The following PRKACB variants were observed in gnomAD, a reference collection of about 807,000 sequenced individuals.
The protein encoded by PRKACB is protein kinase cAMP-activated catalytic subunit beta.
Under a neutral mutation model 51.4 loss-of-function variants are expected in PRKACB, and 16 were observed. The ratio of observed to expected loss-of-function variants is 0.31; its 90% CI spans 0.21 to 0.47. PRKACB has a LOEUF of 0.47. Ranked by LOEUF, PRKACB falls within the 20% of genes least tolerant of loss-of-function variation. The probability of loss-of-function intolerance (pLI) is 1.00; values close to 1 mark genes in which losing one functional copy is unlikely to be tolerated. For synonymous variants in PRKACB, 147 were observed against 154.4 expected, an observed-to-expected ratio of 0.95 and a Z score of 0.35; for missense variants, 309 against 464.5, an observed-to-expected ratio of 0.67 and a Z score of 3.08.
chr1:84,185,325 A>C (rs780086709), intron 5 of PRKACB, 143 bp downstream of exon 5: 2 of 500,946 alleles, frequency 4.0e-6, no homozygotes, highest in Non-Finnish European at 7.0e-6. Context: ...CAAAGAGGCC[A>C]CATCATACAC....
rs1007689780 is a variant in PRKACB, at chr1:84,235,362, A to G, written c.*57A>G. On this transcript the variant is annotated 3_prime_UTR_variant, in exon 10 of 10. Coordinates refer to ENST00000370685, the MANE Select transcript of PRKACB (RefSeq NM_182948.4). The stretch of plus-strand genomic sequence containing the variant: ...CAGTGTTTGCACTCTGTTGAGAGAT[A>G]AGGTAGAGCTGAGACCGTCCTTGTT... 35 of 1,605,884 alleles carry G rather than the reference A, an allele frequency of 2.2e-5. No individual in the cohort carries two copies. The African/African-American group carries it at 3.8e-4, about 17-fold the overall frequency.
intron 5 of PRKACB, among the ~76,000 whole-genome samples, chr1:84,187,961 C>CA (rs546643671): frequency 1.2e-3 from 187 of 152,086 alleles, no homozygotes; most frequent in African/African-American, 4.2e-3. Context: ...TACGATAGTT[C>CA]AGTTAGAGCC....
rs554375663 is a variant in PRKACB at position 84,094,188 on chromosome 1, T to C, written c.46+15817T>C. On this transcript the variant is annotated intron_variant, in intron 1 of 8. Transcript: ENST00000370688. Reference sequence around the variant, plus strand: ...TATTCCTGGTGTCACTGGAAAGCTTTCAATATTTTGGAACCAGGCAGAAAA... The same window carrying C: ...TATTCCTGGTGTCACTGGAAAGCTTCCAATATTTTGGAACCAGGCAGAAAA... 2.0e-5 allele frequency among the ~76,000 whole-genome samples: 3 copies of C among 152,154 alleles called. No individual in the cohort carries two copies. In the East Asian group the frequency reaches 5.8e-4, roughly 29 times the overall value.
At chr1:84,220,956 G>C (rs917067542) in intron 9 of PRKACB, among the ~76,000 whole-genome samples, 1 of 152,092 alleles carries the variant, frequency 6.6e-6, no homozygotes, top group Admixed American at 6.6e-5. Context: ...TGGCCTCGTA[G>C]AATAAGTTAG....
At chr1:84,086,043 TG>T in intron 1 of PRKACB, 3 of 912,518 alleles carry the variant, frequency 3.3e-6, no homozygotes, top group Non-Finnish European at 5.5e-6. Context: ...GAGAAGATGG[TG>T]GTCAAGCAGC....
intron 1 of PRKACB, among the ~76,000 whole-genome samples, chr1:84,150,389 A>G (rs553702200): frequency 3.9e-5 from 6 of 152,296 alleles, no homozygotes; most frequent in East Asian, 1.9e-4. Flanking sequence ...GGCCCATTAT[A>G]CTTCCTTCTG....
chr1:84,225,198 G>T (rs1039169206), intron 9 of PRKACB, among the ~76,000 whole-genome samples: 1 of 152,184 alleles, frequency 6.6e-6, no homozygotes, highest in Non-Finnish European at 1.5e-5. Flanking sequence ...TTGAGAGGTG[G>T]TAGGCAGAGT....
intron 2 of PRKACB, among the ~76,000 whole-genome samples, chr1:84,179,637 T>A (rs1409372002): frequency 6.6e-6 from 1 of 151,956 alleles, no homozygotes; most frequent in Non-Finnish European, 1.5e-5. Context: ...ACATCCCTGA[T>A]ACACAGGCAT....
At position 84,144,412 on chromosome 1, in the gene PRKACB, AG is replaced by A. The variant is rs750475419; in HGVS notation, c.52del (p.Ala18LeufsTer46). ...GTAACCAGTATACAGGTACAACTAC[AG>A]CTCTTCAGAAATTGGAAGGTTTTGC... ...PCNQYTGTTT[A>X]LQKLEGFASR... is the part of the protein sequence containing the mutation. On this transcript the variant is annotated frameshift_variant, in exon 1 of 10. Coordinates refer to ENST00000370685, the MANE Select transcript of PRKACB (RefSeq NM_182948.4). LOFTEE classifies it high-confidence loss of function. 6.2e-7 allele frequency: 1 copy of A among 1,613,460 alleles called. No homozygotes were observed. Among genetic ancestry groups the A allele is most frequent in the Non-Finnish European group, 8.5e-7 (1 of 1,179,692 alleles).
chr1:84,233,076 A>G (rs1092399), intron 9 of PRKACB, among the ~76,000 whole-genome samples: 144,782 of 151,302 alleles, frequency 0.96, 69,505 homozygotes, highest in Non-Finnish European at 1. Context: ...CATGTTTAGC[A>G]CTTCCTTCAG....
At chr1:84,223,936 T>C (rs1674156615) in intron 9 of PRKACB, among the ~76,000 whole-genome samples, 1 of 152,266 alleles carries the variant, frequency 6.6e-6, no homozygotes, top group African/African-American at 2.4e-5. Context: ...CCACATCTGG[T>C]GTAACAGTCA....
At chr1:84,192,405 A>G (rs1429124869) in intron 5 of PRKACB, among the ~76,000 whole-genome samples, 2 of 152,110 alleles carry the variant, frequency 1.3e-5, no homozygotes, top group African/African-American at 2.4e-5. Context: ...TTCTTTTAGT[A>G]TAGGGACAGT....
chr1:84,207,991 C>G (rs141723141), intron 8 of PRKACB, among the ~76,000 whole-genome samples: 1,708 of 152,278 alleles, frequency 0.011, 41 homozygotes, highest in African/African-American at 0.039. Context: ...CCTCAGCCTC[C>G]TGAGTAGCTG....
chr1:84,116,441 T>G (rs923668726), intron 1 of PRKACB, among the ~76,000 whole-genome samples: 1 of 152,130 alleles, frequency 6.6e-6, no homozygotes, highest in Non-Finnish European at 1.5e-5. Context: ...GGAAGTATGG[T>G]CATTTTTAAC....
chr1:84,171,416 A>G (rs1265066960), intron 1 of PRKACB, among the ~76,000 whole-genome samples: 6 of 151,676 alleles, frequency 4.0e-5, no homozygotes, highest in Admixed American at 4.0e-4. Flanking sequence ...ATTGAATCAC[A>G]GAATCTTTAT....
In PRKACB at chr1:84,171,634, G is replaced by A. The variant is rs772289668; in HGVS notation, c.188-7543G>A. On this transcript the variant is annotated intron_variant, in intron 1 of 9. Transcript: ENST00000370685. The stretch of plus-strand genomic sequence containing the variant: ...TACATTTTCTCTGAAGTTGGGAATA[G>A]GAAAAGGATGTCCACTGCCATTGTT... Among the ~76,000 whole-genome samples the A allele has an allele frequency of 9.2e-5, 14 of 151,606 alleles. 1 individual carries two copies. Among genetic ancestry groups the A allele is most frequent in the Non-Finnish European group, 1.6e-4 (11 of 67,738 alleles).
chr1:84,100,352 A>C lies in PRKACB; in HGVS notation c.46+21981A>C, dbSNP rs114898383. Among the ~76,000 whole-genome samples the C allele has an allele frequency of 4.1e-3, 628 of 152,324 alleles. 2 individuals are homozygous for C. Among genetic ancestry groups the C allele is most frequent in the African/African-American group, 0.014 (588 of 41,562 alleles). On this transcript the variant is annotated intron_variant, in intron 1 of 8. Transcript: ENST00000370688. Reference sequence around the variant, plus strand: ...TTCAAGACAAGATTTGAGTGGGGACACAGCCAGACCATATCAAATATATTT... The same window carrying C: ...TTCAAGACAAGATTTGAGTGGGGACCCAGCCAGACCATATCAAATATATTT...
At chr1:84,183,363 C>A (rs573256607) in intron 3 of PRKACB, among the ~76,000 whole-genome samples, 27 of 151,936 alleles carry the variant, frequency 1.8e-4, no homozygotes, top group African/African-American at 6.5e-4. Flanking sequence ...TCTAAATGAC[C>A]TAGGATACAA....
intron 9 of PRKACB, among the ~76,000 whole-genome samples, chr1:84,230,705 G>A (rs1675489090): frequency 6.7e-6 from 1 of 149,036 alleles, no homozygotes; most frequent in Non-Finnish European, 1.5e-5. Flanking sequence ...TTGTGAATGG[G>A]AGTTCACTCA....
Sources: gnomAD v4.1 joint callset for allele counts (sites outside exome capture counted in the v4.1 genomes callset) on GRCh38, gnomAD v4.1.1 for gene constraint, MANE v1.5 for transcripts, NCBI Gene and HGNC (gene_info 2026-07-23, HGNC 2026-07-21) for gene names.